The following UXS1 variants were observed in gnomAD, a reference collection of about 807,000 sequenced individuals.
UXS1 encodes the protein UDP-glucuronate decarboxylase 1.
A neutral mutation model predicts 62.6 loss-of-function variants in UXS1; 33 were observed. The observed-to-expected ratio is 0.53, with a 90% confidence interval of 0.40 to 0.70. UXS1 has a LOEUF of 0.70. UXS1 is among the 30% of genes least tolerant of loss of function. The pLI is 0.00. For synonymous variants in UXS1, 213 were observed against 206.8 expected, an observed-to-expected ratio of 1.03 and a Z score of -0.26; for missense variants, 434 against 556.3, an observed-to-expected ratio of 0.78 and a Z score of 2.21.
rs151050611 is a variant in UXS1, at chr2:106,151,381, T to C, written c.292-6011A>G. On this transcript the variant is annotated intron_variant, in intron 5 of 14. Transcript: ENST00000283148. ...AACAGTATTGGGAGGTGAGGCCTAA[T>C]GAGAAGTTATTGGGCTATGAGGGCC... Among the ~76,000 whole-genome samples the C allele has an allele frequency of 4.3e-3, 662 of 152,286 alleles. 2 individuals carry two copies. The highest frequency in any genetic ancestry group is 0.041 in the Middle Eastern group (12 of 294).
At chr2:106,108,182 TAA>T (rs1678252014) in intron 10 of UXS1, among the ~76,000 whole-genome samples, 1 of 152,240 alleles carries the variant, frequency 6.6e-6, no homozygotes. Flanking sequence ...TACTTTGGTT[TAA>T]ATTAGCCTAC....
chr2:106,171,946 C>T (rs1302802291), intron 1 of UXS1, among the ~76,000 whole-genome samples: 1 of 152,262 alleles, frequency 6.6e-6, no homozygotes, highest in East Asian at 1.9e-4. Flanking sequence ...AAGCAGCCTG[C>T]TGGATGCTCA....
chr2:106,168,365 T>C (rs55643301), intron 1 of UXS1, among the ~76,000 whole-genome samples: 15,766 of 152,160 alleles, frequency 0.1, 1,240 homozygotes, highest in East Asian at 0.32. Context: ...AAAGAGGAGG[T>C]GTGAATAATC....
At chr2:106,114,551 G>A (rs1289806681) in intron 9 of UXS1, among the ~76,000 whole-genome samples, 2 of 152,158 alleles carry the variant, frequency 1.3e-5, no homozygotes, top group African/African-American at 2.4e-5. Flanking sequence ...AATAATCAAC[G>A]CAATGTGCCT....
intron 6 of UXS1, among the ~76,000 whole-genome samples, chr2:106,143,510 T>C (rs1558719672): frequency 6.6e-6 from 1 of 151,518 alleles, no homozygotes. Flanking sequence ...AGTTTTCTAT[T>C]GCTGCCTAAT....
At chr2:106,160,954 C>T (rs1038207668) in intron 4 of UXS1, among the ~76,000 whole-genome samples, 5 of 152,210 alleles carry the variant, frequency 3.3e-5, no homozygotes, top group South Asian at 4.1e-4. Context: ...CTCACTTCTT[C>T]GAGAAGCCAC....
At chr2:106,167,545 G>T (rs1683284734) in intron 1 of UXS1, among the ~76,000 whole-genome samples, 1 of 152,082 alleles carries the variant, frequency 6.6e-6, no homozygotes, top group African/African-American at 2.4e-5. Flanking sequence ...CCACTCTCAA[G>T]AAGGGGAATG....
intron 5 of UXS1, among the ~76,000 whole-genome samples, 165 bp downstream of exon 5, chr2:106,157,890 GTGA>G (rs571889860): frequency 2.8e-4 from 42 of 152,252 alleles, no homozygotes; most frequent in African/African-American, 9.4e-4. Context: ...CTTTTTTGGG[GTGA>G]TGAAGAAACT....
chr2:106,141,247 C>T (rs1194907619), intron 6 of UXS1, among the ~76,000 whole-genome samples: 1 of 152,040 alleles, frequency 6.6e-6, no homozygotes, highest in African/African-American at 2.4e-5. Context: ...GAAAGATCAC[C>T]AGGACACAGT....
intron 10 of UXS1, among the ~76,000 whole-genome samples, chr2:106,112,071 C>T (rs1172978125): frequency 1.3e-5 from 2 of 152,190 alleles, no homozygotes; most frequent in African/African-American, 4.8e-5. Context: ...CCCACCCTGA[C>T]CCCAGATGGT....
At chr2:106,133,927 TAG>T (rs1680535127) in intron 6 of UXS1, among the ~76,000 whole-genome samples, 2 of 127,862 alleles carry the variant, frequency 1.6e-5, no homozygotes, top group African/African-American at 5.7e-5. Flanking sequence ...CTGAAGGAAA[TAG>T]AGACACAAAA....
chr2:106,158,145 G>C (rs1682594955), intron 4 of UXS1, 27 bp from the exon 5 acceptor site: 1 of 1,521,638 alleles, frequency 6.6e-7, no homozygotes, highest in South Asian at 1.2e-5. Flanking sequence ...GATTCAAAAG[G>C]AAAAAGTCAA....
chr2:106,145,175 G>A lies in UXS1; in HGVS notation c.472+15C>T. 1 of 1,610,252 alleles carries A rather than the reference G, an allele frequency of 6.2e-7. No individual in the cohort carries two copies. The highest frequency in any genetic ancestry group is 8.5e-7 in the Non-Finnish European group (1 of 1,177,800). On this transcript the variant is annotated intron_variant, in intron 6 of 14. Coordinates refer to ENST00000283148, the MANE Select transcript of UXS1 (RefSeq NM_001253875.2). ...GCGGAGCTCTGAATAATAACAATGT[G>A]CAGTTTTCACTCACCCTCGATGTAG...
At chr2:106,142,939 G>GTT (rs1681241830) in intron 6 of UXS1, among the ~76,000 whole-genome samples, 1 of 151,812 alleles carries the variant, frequency 6.6e-6, no homozygotes, top group Non-Finnish European at 1.5e-5. Context: ...GTGTGTGTGT[G>GTT]TGTGTGTCCT....
In UXS1 at chr2:106,143,440, G is replaced by GAAA. The variant is rs1681308474; in HGVS notation, c.472+1749_472+1750insTTT. Among the ~76,000 whole-genome samples the GAAA allele has an allele frequency of 5.0e-4, 23 of 46,250 alleles. 3 individuals carry two copies. The highest frequency in any genetic ancestry group is 1.7e-3 in the African/African-American group (22 of 13,050). 30.3% of individuals were successfully genotyped at this position (46,250 alleles called of 152,430 possible). On this transcript the variant is annotated intron_variant, in intron 6 of 14. Coordinates refer to ENST00000283148, the MANE Select transcript of UXS1 (RefSeq NM_001253875.2). Reference sequence around the variant, plus strand: ...AAAAAAAAAAAAAAAAAAAAAAAAGGTATAATTTGGGCAGCACTTAGTGAA... The same window carrying GAAA: ...AAAAAAAAAAAAAAAAAAAAAAAAGGAAATATAATTTGGGCAGCACTTAGTGAA...
At chr2:106,100,164 T>C (rs1158001117) in intron 12 of UXS1, among the ~76,000 whole-genome samples, 1 of 152,202 alleles carries the variant, frequency 6.6e-6, no homozygotes, top group African/African-American at 2.4e-5. Context: ...AAGAGGTTCT[T>C]GTGTCCACTG....
chr2:106,102,902 G>A (rs1347094681), intron 11 of UXS1: 2 of 152,258 alleles, frequency 1.3e-5, no homozygotes, highest in African/African-American at 4.8e-5. Context: ...CTCTGCTAAT[G>A]TGAAACCAGA....
intron 10 of UXS1, among the ~76,000 whole-genome samples, chr2:106,106,245 T>C (rs570096894): frequency 1.3e-5 from 2 of 151,458 alleles, no homozygotes; most frequent in East Asian, 2.0e-4. Context: ...GCGCCTGTAA[T>C]CCCAGCTACT....
At chr2:106,115,374 G>A (rs956281048) in intron 9 of UXS1, among the ~76,000 whole-genome samples, 22 of 152,328 alleles carry the variant, frequency 1.4e-4, no homozygotes, top group African/African-American at 4.3e-4. Context: ...TTCTGCCTGC[G>A]AGTGGTCAGG....
Sources: allele counts gnomAD v4.1 joint callset (sites outside exome capture counted in the v4.1 genomes callset), GRCh38; gene constraint gnomAD v4.1.1; transcripts MANE v1.5; gene names NCBI Gene and HGNC (gene_info 2026-07-23, HGNC 2026-07-21).